MBIP: variants seen among roughly 807,000 people sequenced by gnomAD.
MBIP encodes MAP3K12-binding inhibitory protein 1.
A neutral mutation model predicts 45.7 loss-of-function variants in MBIP; 32 were observed. The ratio of observed to expected loss-of-function variants is 0.70; its 90% CI spans 0.53 to 0.94. The LOEUF (loss-of-function observed/expected upper bound fraction) is 0.94, where lower values mean the gene tolerates loss of function less well. Ranked by LOEUF, MBIP falls within the 40% of genes least tolerant of loss-of-function variation. The probability of loss-of-function intolerance (pLI) is 0.00; values close to 1 mark genes in which losing one functional copy is unlikely to be tolerated. For synonymous variants in MBIP, 145 were observed against 141.0 expected (o/e 1.03, Z -0.20); for missense variants, 381 against 405.5 (o/e 0.94, Z 0.52).
At chr14:36,299,288 A>G (rs1879388016) in intron 8 of MBIP, 98 bp from the exon 9 acceptor site, 2 of 790,416 alleles carry the variant, frequency 2.5e-6, no homozygotes, top group Non-Finnish European at 2.1e-6. Context: ...AATATTCAAA[A>G]GCATGATCAA....
intron 7 of MBIP, among the ~76,000 whole-genome samples, chr14:36,302,920 G>C (rs538312482): frequency 1.3e-5 from 2 of 152,276 alleles, no homozygotes; most frequent in Admixed American, 1.3e-4. Context: ...CTTTTCCTGG[G>C]CTAGTGACAT....
At chr14:36,300,993 C>T in intron 7 of MBIP, 170 bp from the exon 8 acceptor site, 1 of 461,608 alleles carries the variant, frequency 2.2e-6, no homozygotes, top group Non-Finnish European at 3.9e-6. Flanking sequence ...TTATATTCTG[C>T]AAGTTACCCT....
At chr14:36,301,599 C>T (rs1445383607) in intron 7 of MBIP, among the ~76,000 whole-genome samples, 1 of 44,002 alleles carries the variant, frequency 2.3e-5, no homozygotes, top group Non-Finnish European at 1.5e-4. Flanking sequence ...GGGAAAGAAA[C>T]CTGTTTTCTC....
chr14:36,320,274 A>G (rs917180036), intron 1 of MBIP, among the ~76,000 whole-genome samples, 186 bp downstream of exon 1: 3 of 152,104 alleles, frequency 2.0e-5, no homozygotes, highest in African/African-American at 7.2e-5. Context: ...CGACTCTGCA[A>G]CCGGTACCGC....
rs370304446 is a variant in MBIP, at chr14:36,299,075, G to A, written c.*8C>T. 1 of 1,607,384 alleles carries A rather than the reference G, an allele frequency of 6.2e-7. No homozygotes were observed. The highest frequency in any genetic ancestry group is 1.3e-5 in the African/African-American group (1 of 74,884). Reference sequence around the variant, plus strand: ...AAAAAGTAAAATGACAAGGATGAGAGGAGTTTTTCATGGAAGGTGGTGGGT... The same window carrying A: ...AAAAAGTAAAATGACAAGGATGAGAAGAGTTTTTCATGGAAGGTGGTGGGT... On this transcript the variant is annotated 3_prime_UTR_variant, in exon 9 of 9. Transcript: ENST00000416007.
At chr14:36,310,129 A>G (rs1464811930) in intron 6 of MBIP, among the ~76,000 whole-genome samples, 1 of 152,202 alleles carries the variant, frequency 6.6e-6, no homozygotes, top group African/African-American at 2.4e-5. Context: ...TAGAGACTTA[A>G]CCAGTCAATC....
In MBIP at chr14:36,299,096, TG is replaced by T. The variant is rs1566545196; in HGVS notation, c.1021del (p.His341ThrfsTer36). The T allele has an allele frequency of 6.2e-7, 1 of 1,613,498 alleles. No homozygotes were observed. Among genetic ancestry groups the T allele is most frequent in the East Asian group, 2.2e-5 (1 of 44,832 alleles). ...GAGAGGAGTTTTTCATGGAAGGTGG[TG>T]GGTTGCCATGGATTCTGCTTCTCTT... ...KSREAESMAT[H>X]HLP On this transcript the variant is annotated frameshift_variant, in exon 9 of 9. Coordinates refer to ENST00000416007, the MANE Select transcript of MBIP (RefSeq NM_016586.3). LOFTEE classifies it high-confidence loss of function.
intron 3 of MBIP, 24 bp downstream of exon 3, chr14:36,314,667 G>T (rs150300355): frequency 1.2e-6 from 2 of 1,606,752 alleles, no homozygotes; most frequent in African/African-American, 2.7e-5. Context: ...ATACCCTCTC[G>T]CCCCCGCCAA....
rs1437601197 is a variant in MBIP, at chr14:36,309,140, G to A, written c.791-951C>T. Among the ~76,000 whole-genome samples, 5 of 152,014 alleles carry A rather than the reference G, an allele frequency of 3.3e-5. No individual in the cohort carries two copies. In the South Asian group the frequency reaches 6.2e-4, roughly 19 times the overall value. ...TAAGCTTCAGCTGGTTCCCTCTACC[G>A]CCATAATCCCAAGTCAATTTCAAGT... On this transcript the variant is annotated intron_variant, in intron 6 of 8. Coordinates refer to ENST00000416007, the MANE Select transcript of MBIP (RefSeq NM_016586.3).
chr14:36,304,812 T>A (rs1483712520), intron 7 of MBIP, among the ~76,000 whole-genome samples: 1 of 152,222 alleles, frequency 6.6e-6, no homozygotes, highest in Non-Finnish European at 1.5e-5. Context: ...AAATATTTGT[T>A]TTTCTATGCT....
intron 8 of MBIP, 130 bp downstream of exon 8, chr14:36,300,655 C>G: frequency 1.7e-6 from 1 of 585,208 alleles, no homozygotes; most frequent in South Asian, 2.7e-5. Context: ...TTTATACTGC[C>G]CTTTTCTTCA....
chr14:36,313,376 A>G (rs1880332896), intron 4 of MBIP: 1 of 152,154 alleles, frequency 6.6e-6, no homozygotes, highest in Non-Finnish European at 1.5e-5. Flanking sequence ...TTGAGCCAGC[A>G]AAGAATTGAA....
intron 7 of MBIP, among the ~76,000 whole-genome samples, chr14:36,305,603 C>T (rs1879816911): frequency 6.6e-6 from 1 of 152,174 alleles, no homozygotes; most frequent in African/African-American, 2.4e-5. Context: ...CTTCAGACTT[C>T]AGGCCTCAGA....
chr14:36,312,843 T>C (rs1027261355), intron 4 of MBIP, among the ~76,000 whole-genome samples: 1 of 152,080 alleles, frequency 6.6e-6, no homozygotes, highest in African/African-American at 2.4e-5. Flanking sequence ...AGGCCACACA[T>C]TGGCAGTAAA....
In MBIP at chr14:36,299,055, G is replaced by C. The variant is rs116641058; in HGVS notation, c.*28C>G. 8.2e-4 allele frequency: 1,263 copies of C among 1,540,334 alleles called. 8 individuals are homozygous for C. The African/African-American group carries it at 0.014, about 17-fold the overall frequency. On this transcript the variant is annotated 3_prime_UTR_variant, in exon 9 of 9. Transcript: ENST00000416007. ...AAGTTACACATATGTATACAAAAAAGTAAAATGACAAGGATGAGAGGAGTT... is the reference window on the plus strand; with the variant it reads ...AAGTTACACATATGTATACAAAAAACTAAAATGACAAGGATGAGAGGAGTT...
intron 7 of MBIP, among the ~76,000 whole-genome samples, chr14:36,304,184 TC>T (rs1372913763): frequency 6.6e-6 from 1 of 152,030 alleles, no homozygotes; most frequent in African/African-American, 2.4e-5. Context: ...AGCATTCCCC[TC>T]CCCCGATACT....
At chr14:36,304,458 C>A (rs539817086) in intron 7 of MBIP, among the ~76,000 whole-genome samples, 2 of 152,270 alleles carry the variant, frequency 1.3e-5, no homozygotes, top group South Asian at 4.1e-4. Context: ...AAACAATATA[C>A]TTGTAAAAGC....
chr14:36,299,887 A>G (rs1879432166), intron 8 of MBIP, among the ~76,000 whole-genome samples: 1 of 152,114 alleles, frequency 6.6e-6, no homozygotes, highest in African/African-American at 2.4e-5. Flanking sequence ...AGACACAAGT[A>G]TTATGTAGTG....
intron 6 of MBIP, among the ~76,000 whole-genome samples, chr14:36,309,083 T>C (rs761618599): frequency 5.3e-5 from 8 of 152,154 alleles, no homozygotes; most frequent in Non-Finnish European, 1.0e-4. Flanking sequence ...TGATTACTTT[T>C]TTTCTGTTAT....
Sources: gnomAD v4.1 joint callset for allele counts (sites outside exome capture counted in the v4.1 genomes callset) on GRCh38, gnomAD v4.1.1 for gene constraint, MANE v1.5 for transcripts, NCBI Gene and HGNC (gene_info 2026-07-23, HGNC 2026-07-21) for gene names.